Variants in SDC2 observed in about 807,000 individuals in gnomAD.
SDC2 encodes the protein syndecan-2.
In SDC2, 13 loss-of-function variants were observed where a neutral mutation model predicts 22.2. The ratio of observed to expected loss-of-function variants is 0.59; its 90% CI spans 0.38 to 0.93. The LOEUF (loss-of-function observed/expected upper bound fraction) is 0.93. Among genes scored for constraint, SDC2 ranks in the 40% least tolerant of loss-of-function variants. The probability of loss-of-function intolerance (pLI) is 0.00; values close to 1 mark genes in which losing one functional copy is unlikely to be tolerated. For missense variants in SDC2, 235 were observed against 246.8 expected, an observed-to-expected ratio of 0.95 and a Z score of 0.32; for synonymous variants, 94 against 92.8, an observed-to-expected ratio of 1.01 and a Z score of -0.07.
chr8:96,602,038 G>C (rs967220266), intron 2 of SDC2, among the ~76,000 whole-genome samples: 1 of 152,130 alleles, frequency 6.6e-6, no homozygotes, highest in East Asian at 1.9e-4. Flanking sequence ...AATTACAGGC[G>C]TGAGCCCCTG....
chr8:96,530,502 C>T (rs759663669), intron 1 of SDC2, among the ~76,000 whole-genome samples: 4 of 152,030 alleles, frequency 2.6e-5, no homozygotes, highest in East Asian at 1.9e-4. Flanking sequence ...GACGTGTTAG[C>T]GGGTGCCTGT....
chr8:96,555,605 CTA>C (rs1477411319), intron 1 of SDC2, among the ~76,000 whole-genome samples: 5 of 152,074 alleles, frequency 3.3e-5, no homozygotes, highest in African/African-American at 1.2e-4. Flanking sequence ...TAAACATAAG[CTA>C]TGTCATCTGT....
chr8:96,574,051 TCCC>T (rs1257072209), intron 1 of SDC2, among the ~76,000 whole-genome samples: 3 of 12,870 alleles, frequency 2.3e-4, no homozygotes, highest in African/African-American at 9.6e-4. Flanking sequence ...CCACACCCCC[TCCC>T]CTCTGCATAG....
At chr8:96,494,447 C>A in intron 1 of SDC2, 116 bp downstream of exon 1, 3 of 905,992 alleles carry the variant, frequency 3.3e-6, no homozygotes, top group South Asian at 1.7e-5. Flanking sequence ...AAGTATACAC[C>A]GGAGATCCGC....
At chr8:96,548,180 G>A (rs1586293443) in intron 1 of SDC2, among the ~76,000 whole-genome samples, 1 of 152,306 alleles carries the variant, frequency 6.6e-6, no homozygotes, top group Middle Eastern at 3.4e-3. Flanking sequence ...GCTAGGTGGA[G>A]CAATTTCAGT....
intron 2 of SDC2, among the ~76,000 whole-genome samples, chr8:96,597,275 G>C (rs1463074378): frequency 1.3e-5 from 2 of 152,216 alleles, no homozygotes; most frequent in Non-Finnish European, 2.9e-5. Flanking sequence ...CCTCTGGGTA[G>C]GGGACTGGGA....
At chr8:96,559,641 C>T (rs146911389) in intron 1 of SDC2, among the ~76,000 whole-genome samples, 103 of 152,272 alleles carry the variant, frequency 6.8e-4, no homozygotes, top group African/African-American at 2.4e-3. Context: ...AGTGATTCAA[C>T]CTTTGTAAAT....
intron 1 of SDC2, among the ~76,000 whole-genome samples, chr8:96,524,972 A>G (rs1586279656): frequency 6.6e-6 from 1 of 152,180 alleles, no homozygotes; most frequent in Non-Finnish European, 1.5e-5. Flanking sequence ...GACTTTGGCC[A>G]TTATTTGTCG....
chr8:96,581,680 A>T (rs1043630322), intron 1 of SDC2, among the ~76,000 whole-genome samples: 1 of 151,836 alleles, frequency 6.6e-6, no homozygotes, highest in Non-Finnish European at 1.5e-5. Context: ...TGTCAGCAGG[A>T]TGCTGGAATG....
chr8:96,508,890 C>T (rs1813289539), intron 1 of SDC2, among the ~76,000 whole-genome samples: 1 of 142,438 alleles, frequency 7.0e-6, no homozygotes, highest in African/African-American at 2.5e-5. Flanking sequence ...CATGAAGTGT[C>T]TAATGGTTGC....
intron 3 of SDC2, among the ~76,000 whole-genome samples, chr8:96,608,050 G>A (rs760403142): frequency 3.6e-4 from 55 of 152,228 alleles, no homozygotes; most frequent in Non-Finnish European, 6.8e-4. Context: ...AGAAATCTTA[G>A]GAAATGTCCA....
At chr8:96,536,226 C>A (rs1210070623) in intron 1 of SDC2, among the ~76,000 whole-genome samples, 1 of 151,790 alleles carries the variant, frequency 6.6e-6, no homozygotes, top group Non-Finnish European at 1.5e-5. Flanking sequence ...ATAGGAATAA[C>A]CAAGTGAAGG....
chr8:96,606,469 C>T (rs1815082183), intron 3 of SDC2, among the ~76,000 whole-genome samples: 1 of 152,110 alleles, frequency 6.6e-6, no homozygotes, highest in African/African-American at 2.4e-5. Flanking sequence ...TTCTCTAATC[C>T]ACTGGTTCTT....
At chr8:96,576,384 G>GTTTTGTTTTT (rs1554604683) in intron 1 of SDC2, among the ~76,000 whole-genome samples, 1 of 50,962 alleles carries the variant, frequency 2.0e-5, no homozygotes, top group East Asian at 3.6e-4. Context: ...GTTTTGTTTT[G>GTTTTGTTTTT]TTTTTTTTTA....
At chr8:96,588,348 G>C (rs911528348) in intron 1 of SDC2, among the ~76,000 whole-genome samples, 8 of 152,204 alleles carry the variant, frequency 5.3e-5, no homozygotes, top group African/African-American at 1.7e-4. Context: ...TTAAGGACAG[G>C]TATATCATCT....
intron 1 of SDC2, among the ~76,000 whole-genome samples, chr8:96,586,217 A>G (rs1409340509): frequency 6.6e-6 from 1 of 152,160 alleles, no homozygotes; most frequent in Non-Finnish European, 1.5e-5. Flanking sequence ...TAAAAAAGAG[A>G]CCATGTAAGA....
intron 1 of SDC2, among the ~76,000 whole-genome samples, chr8:96,495,435 G>A (rs1563636752): frequency 1.3e-5 from 2 of 152,164 alleles, no homozygotes; most frequent in Admixed American, 6.5e-5. Context: ...GCCTCCACCT[G>A]GGCGCCAGGA....
At chr8:96,581,068 C>T (rs1360719470) in intron 1 of SDC2, among the ~76,000 whole-genome samples, 4 of 152,062 alleles carry the variant, frequency 2.6e-5, no homozygotes, top group African/African-American at 9.7e-5. Flanking sequence ...TCTTCGTCTT[C>T]CATATTTTTA....
chr8:96,543,436 A>G (rs1041109832), intron 1 of SDC2, among the ~76,000 whole-genome samples: 3 of 152,246 alleles, frequency 2.0e-5, no homozygotes, highest in African/African-American at 7.2e-5. Context: ...GAAATTAGGT[A>G]GGACCATATT....
Sources: allele counts gnomAD v4.1 joint callset (sites outside exome capture counted in the v4.1 genomes callset), GRCh38; gene constraint gnomAD v4.1.1; transcripts MANE v1.5; gene names NCBI Gene and HGNC (gene_info 2026-07-23, HGNC 2026-07-21).